The following HS6ST2 variants were observed in gnomAD, a reference collection of about 807,000 sequenced individuals.
HS6ST2 encodes heparan-sulfate 6-O-sulfotransferase 2.
In HS6ST2, 17 loss-of-function variants were observed where a neutral mutation model predicts 33.0. The observed-to-expected ratio is 0.52, with a 90% CI of 0.35 to 0.77. The LOEUF (loss-of-function observed/expected upper bound fraction) is 0.77. Among genes scored for constraint, HS6ST2 ranks in the 30% least tolerant of loss-of-function variants. The pLI, the probability that HS6ST2 is intolerant of heterozygous loss-of-function variation, is 0.01. For synonymous variants in HS6ST2, 248 were observed against 237.1 expected (o/e 1.05, Z -0.42); for missense variants, 519 against 551.7 (o/e 0.94, Z 0.59).
intron 4 of HS6ST2, among the ~76,000 whole-genome samples, chrX:132,642,149 A>C (rs772002034): frequency 9.0e-6 from 1 of 110,591 alleles, no homozygotes; most frequent in East Asian, 2.9e-4. Context: ...GGCCGTCAAT[A>C]AATATTAAGG....
intron 2 of HS6ST2, among the ~76,000 whole-genome samples, chrX:132,816,503 G>T (rs1045404600): frequency 1.8e-5 from 2 of 111,503 alleles, no homozygotes; most frequent in African/African-American, 6.5e-5. Context: ...GAACCAAATG[G>T]GTAGGGAATG....
At chrX:132,942,318 T>C (rs2066895427) in intron 2 of HS6ST2, among the ~76,000 whole-genome samples, 1 of 112,246 alleles carries the variant, frequency 8.9e-6, no homozygotes, top group Admixed American at 9.5e-5. Flanking sequence ...CACTGGCCTC[T>C]GGTTGTTTTT....
intron 2 of HS6ST2, among the ~76,000 whole-genome samples, chrX:132,824,884 C>G (rs2065501731): frequency 8.9e-6 from 1 of 112,175 alleles, no homozygotes; most frequent in Non-Finnish European, 1.9e-5. Context: ...GGCCACTTAC[C>G]AAAAACTCAT....
intron 2 of HS6ST2, among the ~76,000 whole-genome samples, chrX:132,881,636 C>G (rs1474858546): frequency 2.7e-5 from 3 of 111,609 alleles, no homozygotes; most frequent in Non-Finnish European, 5.6e-5. Context: ...TAATTAGATC[C>G]CATTTGTCAA....
intron 2 of HS6ST2, among the ~76,000 whole-genome samples, chrX:132,794,704 C>T (rs1252057070): frequency 2.7e-5 from 3 of 111,136 alleles, no homozygotes; most frequent in Non-Finnish European, 5.6e-5. Context: ...GGATTACAGG[C>T]GTAAGCCACT....
intron 2 of HS6ST2, among the ~76,000 whole-genome samples, chrX:132,716,505 A>T (rs868134740): frequency 8.9e-6 from 1 of 111,838 alleles, no homozygotes; most frequent in Middle Eastern, 4.6e-3. Context: ...GTTGAGTTAT[A>T]AAAAAAATGT....
intron 2 of HS6ST2, among the ~76,000 whole-genome samples, chrX:132,752,471 CAA>C (rs751283316): frequency 6.7e-5 from 4 of 59,695 alleles, no homozygotes; most frequent in Non-Finnish European, 6.0e-5. Context: ...GACTCCGTCT[CAA>C]AAAAAAAAAA....
At chrX:132,718,064 G>T (rs1323634285) in intron 2 of HS6ST2, among the ~76,000 whole-genome samples, 1 of 112,128 alleles carries the variant, frequency 8.9e-6, no homozygotes, top group Non-Finnish European at 1.9e-5. Flanking sequence ...TTACCTAAAT[G>T]ACAAACAATA....
rs1176610550 is a variant in HS6ST2, at chrX:132,828,678, TTA to T, written c.948-120186_948-120185del. Reference sequence around the variant, plus strand: ...CTGGGGATAATGGAAATATCATATTTTATATATATATATATACACACACACAC... The same window carrying T: ...CTGGGGATAATGGAAATATCATATTTTATATATATATATACACACACACAC... On this transcript the variant is annotated intron_variant, in intron 2 of 4. Transcript: ENST00000370833. 1.9e-4 allele frequency among the ~76,000 whole-genome samples: 10 copies of T among 53,225 alleles called. No homozygotes were observed. The South Asian group carries it at 3.4e-3, about 18-fold the overall frequency. The allele number at this position is 53,225 out of a possible 115,157, so 46.2% of individuals were successfully genotyped here. A position where few individuals can be genotyped will look rare whatever the true frequency, so the allele number is the denominator to read the frequency against.
chrX:132,676,663 C>A (rs1029491755), intron 3 of HS6ST2, among the ~76,000 whole-genome samples: 11 of 111,224 alleles, frequency 9.9e-5, no homozygotes, highest in African/African-American at 3.6e-4. Flanking sequence ...GTGGCAGGGA[C>A]CCCCAGAGTT....
intron 2 of HS6ST2, among the ~76,000 whole-genome samples, chrX:132,814,808 C>T (rs894072455): frequency 1.8e-5 from 2 of 112,270 alleles, no homozygotes; most frequent in African/African-American, 6.5e-5. Flanking sequence ...ACACATACAA[C>T]ACTTAGCCTT....
At chrX:132,797,672 C>A (rs976944154) in intron 2 of HS6ST2, among the ~76,000 whole-genome samples, 6 of 110,600 alleles carry the variant, frequency 5.4e-5, no homozygotes, top group African/African-American at 2.0e-4. Context: ...AAGAGCTGAT[C>A]TGAGTATTGA....
intron 2 of HS6ST2, among the ~76,000 whole-genome samples, chrX:132,894,316 T>C (rs545311177): frequency 9.3e-6 from 1 of 107,039 alleles, no homozygotes; most frequent in South Asian, 4.2e-4. Context: ...GATTTTTGTA[T>C]TTTTAGTAGA....
intron 2 of HS6ST2, among the ~76,000 whole-genome samples, chrX:132,838,413 G>T (rs1199281857): frequency 9.0e-6 from 1 of 111,731 alleles, no homozygotes; most frequent in Non-Finnish European, 1.9e-5. Context: ...ACAGTGAAGG[G>T]AGCTATGAGA....
intron 2 of HS6ST2, among the ~76,000 whole-genome samples, chrX:132,860,791 T>G (rs1479907776): frequency 1.1e-5 from 1 of 91,032 alleles, no homozygotes; most frequent in East Asian, 3.4e-4. Flanking sequence ...TTTTTTTTTT[T>G]TTTTTTTTTT....
At chrX:132,683,933 G>A (rs1175334920) in intron 3 of HS6ST2, among the ~76,000 whole-genome samples, 1 of 109,741 alleles carries the variant, frequency 9.1e-6, no homozygotes, top group Admixed American at 9.9e-5. Flanking sequence ...ATGACCCTGG[G>A]GAAGAACAAG....
chrX:132,961,126 GA>G (rs1333607926), upstream of HS6ST2: 1 of 71,344 alleles, frequency 1.4e-5, no homozygotes, highest in Non-Finnish European at 2.6e-5. Flanking sequence ...CTGGGGGTAG[GA>G]GGCAAAAAAA....
chrX:132,908,495 C>G (rs951060708), intron 2 of HS6ST2, among the ~76,000 whole-genome samples: 1 of 112,646 alleles, frequency 8.9e-6, no homozygotes, highest in East Asian at 2.8e-4. Context: ...TGAAAACAAT[C>G]TGAATGTCCA....
chrX:132,893,608 T>G (rs1036015725), intron 2 of HS6ST2, among the ~76,000 whole-genome samples: 1 of 111,596 alleles, frequency 9.0e-6, no homozygotes, highest in Non-Finnish European at 1.9e-5. Context: ...GCAGACAGCA[T>G]TGTTCATGAA....
Sources: allele counts gnomAD v4.1 joint callset (sites outside exome capture counted in the v4.1 genomes callset), GRCh38; gene constraint gnomAD v4.1.1; transcripts MANE v1.5; gene names NCBI Gene and HGNC (gene_info 2026-07-23, HGNC 2026-07-21).